The following MYCBP2 variants were observed in gnomAD, a reference collection of about 807,000 sequenced individuals.
The protein encoded by MYCBP2 is E3 ubiquitin-protein ligase MYCBP2.
MYCBP2 carries 120 observed loss-of-function variants against 525.3 expected under a neutral mutation model. That is an observed-to-expected ratio of 0.23 (90% CI 0.20 to 0.27). The LOEUF is 0.27. MYCBP2 is among the 10% of genes least tolerant of loss of function. The probability of loss-of-function intolerance (pLI) is 1.00; values close to 1 mark genes in which losing one functional copy is unlikely to be tolerated. For synonymous variants in MYCBP2, 1,894 were observed against 1,955.8 expected (o/e 0.97, Z 0.83); for missense variants, 4,149 against 5,657.1 (o/e 0.73, Z 8.55).
chr13:77,240,425 T>C (rs557186795), intron 17 of MYCBP2, among the ~76,000 whole-genome samples: 235 of 152,180 alleles, frequency 1.5e-3, no homozygotes, highest in African/African-American at 5.2e-3. Flanking sequence ...CTGGCCAACA[T>C]GGTGAAACCT....
At chr13:77,176,286 C>T (rs530822486) in intron 36 of MYCBP2, among the ~76,000 whole-genome samples, 7 of 152,166 alleles carry the variant, frequency 4.6e-5, no homozygotes, top group South Asian at 4.1e-4. Flanking sequence ...CTTCCTACTA[C>T]TCCTGACTTT....
chr13:77,063,181 C>T (rs1365531195), intron 73 of MYCBP2, among the ~76,000 whole-genome samples: 1 of 152,052 alleles, frequency 6.6e-6, no homozygotes, highest in Admixed American at 6.5e-5. Flanking sequence ...CTTTGTTGCC[C>T]CTTGTTGCCC....
rs1194031127 is a variant in MYCBP2, at chr13:77,166,521, T to C, written c.6148A>G (p.Ile2050Val). The change falls in exon 41 of 83, where the codon ATC becomes GTC. Residue 2050 changes from isoleucine to valine, a missense_variant. Physicochemically the swap from Ile to Val is conservative, Grantham distance 29 (BLOSUM62 3). Transcript: ENST00000544440. ...GTACCACACTGAGGGTCAAATTCGA[T>C]TGTCATCCACCTCACACATTCTGGG... ...TFPECVRWMTIEFDPQCGTAQ... is the reference protein window; with the variant it reads ...TFPECVRWMTVEFDPQCGTAQ... 11 of 1,613,344 alleles carry C rather than the reference T, an allele frequency of 6.8e-6. No individual in the cohort carries two copies. Among genetic ancestry groups the C allele is most frequent in the Non-Finnish European group, 8.5e-6 (10 of 1,179,666 alleles).
intron 23 of MYCBP2, among the ~76,000 whole-genome samples, chr13:77,208,855 T>G (rs1199582438): frequency 2.0e-5 from 3 of 152,204 alleles, no homozygotes; most frequent in Non-Finnish European, 4.4e-5. Context: ...ATAAAACAGG[T>G]GTTCTTAACA....
chr13:77,243,676 A>T, intron 16 of MYCBP2, 130 bp downstream of exon 16: 1 of 749,262 alleles, frequency 1.3e-6, no homozygotes, highest in Non-Finnish European at 2.0e-6. Context: ...CAGTTACCGT[A>T]AAAGCAGTAT....
At chr13:77,146,055 C>T in intron 48 of MYCBP2, 107 bp downstream of exon 48, 2 of 677,466 alleles carry the variant, frequency 3.0e-6, no homozygotes, top group South Asian at 2.7e-5. Flanking sequence ...TAGAAAAATG[C>T]TATAAAGTAT....
At chr13:77,252,444 A>C (rs962890892) in intron 14 of MYCBP2, among the ~76,000 whole-genome samples, 16 of 152,214 alleles carry the variant, frequency 1.1e-4, no homozygotes, top group Non-Finnish European at 5.9e-5. Context: ...TAACCAAATA[A>C]AAATGTAAAC....
chr13:77,280,662 C>G (rs1321948244), intron 3 of MYCBP2, among the ~76,000 whole-genome samples: 1 of 152,178 alleles, frequency 6.6e-6, no homozygotes, highest in Non-Finnish European at 1.5e-5. Context: ...AGTAAGACTG[C>G]CTAATGAACA....
At chr13:77,236,991 C>T (rs1195687052) in intron 17 of MYCBP2, among the ~76,000 whole-genome samples, 2 of 152,124 alleles carry the variant, frequency 1.3e-5, no homozygotes, top group Non-Finnish European at 1.5e-5. Context: ...ATTTTTAAAA[C>T]AATGTGAATT....
intron 62 of MYCBP2, among the ~76,000 whole-genome samples, chr13:77,086,996 A>C (rs968115835): frequency 1.3e-5 from 2 of 152,210 alleles, no homozygotes; most frequent in Non-Finnish European, 2.9e-5. Flanking sequence ...CTACATTTAC[A>C]TAGATAATTA....
intron 21 of MYCBP2, among the ~76,000 whole-genome samples, chr13:77,215,701 C>T (rs1408448633): frequency 6.6e-6 from 1 of 152,132 alleles, no homozygotes; most frequent in Non-Finnish European, 1.5e-5. Context: ...ATCCTCCTAC[C>T]TCAACCTCCT....
At chr13:77,282,309 C>T (rs1422288017) in intron 3 of MYCBP2, among the ~76,000 whole-genome samples, 1 of 151,660 alleles carries the variant, frequency 6.6e-6, no homozygotes, top group African/African-American at 2.4e-5. Context: ...ACTTGGGAGG[C>T]TGAGGCAGGA....
chr13:77,191,520 A>C (rs2061296036), intron 28 of MYCBP2, among the ~76,000 whole-genome samples, 159 bp downstream of exon 28: 1 of 152,214 alleles, frequency 6.6e-6, no homozygotes, highest in Non-Finnish European at 1.5e-5. Flanking sequence ...TCTAGACCTC[A>C]ATTTGGCATG....
intron 73 of MYCBP2, 121 bp from the exon 74 acceptor site, chr13:77,062,818 A>G: frequency 1.4e-6 from 1 of 723,556 alleles, no homozygotes; most frequent in Non-Finnish European, 2.4e-6. Flanking sequence ...ATAGATACTC[A>G]GTGGCACTCA....
chr13:77,273,464 T>C lies in MYCBP2; in HGVS notation c.945+8A>G. The C allele has an allele frequency of 2.6e-6, 4 of 1,562,916 alleles. No individual in the cohort carries two copies. Among genetic ancestry groups the C allele is most frequent in the Non-Finnish European group, 3.4e-6 (4 of 1,161,530 alleles). On this transcript the variant is annotated splice_region_variant and intron_variant, in intron 5 of 82. Coordinates refer to ENST00000544440, the MANE Select transcript of MYCBP2 (RefSeq NM_015057.5). The stretch of plus-strand genomic sequence containing the variant: ...ATAAACTTCTAAGCAGATATAAATA[T>C]GAAATACCTGAATAGTTTGGCAAGC...
rs368205678 is a variant in MYCBP2 at position 77,183,936 on chromosome 13, T to C, written c.4719+1167A>G. Among the ~76,000 whole-genome samples the C allele has an allele frequency of 1.4e-4, 21 of 152,298 alleles. No homozygotes were observed. The East Asian group carries it at 2.9e-3, about 21-fold the overall frequency. The stretch of plus-strand genomic sequence containing the variant: ...AGGTTTGCTAGGAGTTTACCAACTT[T>C]TTTTCTTCAAAAAACCAACTTTTAG... On this transcript the variant is annotated intron_variant, in intron 32 of 82. Coordinates refer to ENST00000544440, the MANE Select transcript of MYCBP2 (RefSeq NM_015057.5).
chr13:77,185,093 C>T lies in MYCBP2; in HGVS notation c.4719+10G>A. 6.2e-7 allele frequency: 1 copy of T among 1,606,812 alleles called. No homozygotes were observed. Among genetic ancestry groups the T allele is most frequent in the South Asian group, 1.1e-5 (1 of 90,164 alleles). ...AGATTTTCAACTAACATTTTACAAA[C>T]TTAAATTACCTGATCCAAACAATTC... On this transcript the variant is annotated intron_variant, in intron 32 of 82. Coordinates refer to ENST00000544440, the MANE Select transcript of MYCBP2 (RefSeq NM_015057.5).
intron 52 of MYCBP2, among the ~76,000 whole-genome samples, chr13:77,131,646 T>C (rs1243025301): frequency 1.3e-5 from 2 of 152,198 alleles, no homozygotes; most frequent in African/African-American, 4.8e-5. Context: ...TATTAAAATA[T>C]GTTAGCTTTC....
intron 76 of MYCBP2, among the ~76,000 whole-genome samples, chr13:77,060,074 C>G (rs969844925): frequency 1.3e-5 from 2 of 152,094 alleles, no homozygotes; most frequent in African/African-American, 4.8e-5. Context: ...ACTTGAAAAA[C>G]AGAATTCCTA....
Sources: allele counts gnomAD v4.1 joint callset (sites outside exome capture counted in the v4.1 genomes callset), GRCh38; gene constraint gnomAD v4.1.1; transcripts MANE v1.5; gene names NCBI Gene and HGNC (gene_info 2026-07-23, HGNC 2026-07-21).